The following MTSS1 variants were observed in gnomAD, a reference collection of about 807,000 sequenced individuals.
The protein encoded by MTSS1 is protein MTSS 1.
A neutral mutation model predicts 79.0 loss-of-function variants in MTSS1; 18 were observed. The ratio of observed to expected loss-of-function variants is 0.23; its 90% CI spans 0.16 to 0.34. The LOEUF (loss-of-function observed/expected upper bound fraction) is 0.34, where lower values mean the gene tolerates loss of function less well. Among genes scored for constraint, MTSS1 ranks in the 10% least tolerant of loss-of-function variants. MTSS1 has a pLI of 1.00. For synonymous variants in MTSS1, 341 were observed against 368.6 expected, an observed-to-expected ratio of 0.93 and a Z score of 0.86; for missense variants, 815 against 986.2, an observed-to-expected ratio of 0.83 and a Z score of 2.33.
intron 3 of MTSS1, among the ~76,000 whole-genome samples, chr8:124,610,012 CG>C (rs1835519205): frequency 6.6e-6 from 1 of 152,088 alleles, no homozygotes; most frequent in Non-Finnish European, 1.5e-5. Flanking sequence ...CTGTGAGCTC[CG>C]GGAGGCCTGC....
chr8:124,681,789 T>G (rs1313762738), intron 3 of MTSS1, among the ~76,000 whole-genome samples: 2 of 152,102 alleles, frequency 1.3e-5, no homozygotes, highest in Admixed American at 1.3e-4. Context: ...AAAAATGCCG[T>G]CTCAACAAAA....
At position 124,600,160 on chromosome 8, in the gene MTSS1, G is replaced by A. The variant is rs554728861; in HGVS notation, c.209-8925C>T. On this transcript the variant is annotated intron_variant, in intron 3 of 13. Transcript: ENST00000518547. ...ATTTCCATGTCGGGCTTCTTGTGAA[G>A]CAATCTGAATATCCTAGATTTTTAC... 5.3e-5 allele frequency among the ~76,000 whole-genome samples: 8 copies of A among 151,918 alleles called. No individual in the cohort carries two copies. The South Asian group carries it at 1.5e-3, about 28-fold the overall frequency.
chr8:124,711,493 A>G (rs73345875), intron 1 of MTSS1, among the ~76,000 whole-genome samples: 3,312 of 152,282 alleles, frequency 0.022, 127 homozygotes, highest in African/African-American at 0.074. Flanking sequence ...CCACATGAAC[A>G]GAGCCAGCCT....
intron 9 of MTSS1, chr8:124,564,712 C>CACACACACACACACACACACAT (rs1231353129): frequency 6.6e-5 from 10 of 152,220 alleles, no homozygotes; most frequent in Non-Finnish European, 1.3e-4. Context: ...CACACACACA[C>CACACACACACACACACACACAT]ACACACAGTC....
chr8:124,586,893 A>T (rs568898558), intron 5 of MTSS1, among the ~76,000 whole-genome samples: 1 of 152,182 alleles, frequency 6.6e-6, no homozygotes, highest in African/African-American at 2.4e-5. Context: ...CAAGAAAATC[A>T]AGGAACCTGT....
chr8:124,552,660 C>A lies in MTSS1; in HGVS notation c.*332G>T. 3.7e-6 allele frequency: 1 copy of A among 266,792 alleles called. No homozygotes were observed. Among genetic ancestry groups the A allele is most frequent in the Non-Finnish European group, 7.1e-6 (1 of 141,126 alleles). 16.5% of individuals were successfully genotyped at this position (266,792 alleles called of 1,614,324 possible). A position where few individuals can be genotyped will look rare whatever the true frequency, so the allele number is the denominator to read the frequency against. ...TCTAAAATTAACTACTTCGTGGTTCCCCTGCCCCAACCCCCTTTATGCATT... is the reference window on the plus strand; with the variant it reads ...TCTAAAATTAACTACTTCGTGGTTCACCTGCCCCAACCCCCTTTATGCATT... On this transcript the variant is annotated 3_prime_UTR_variant, in exon 14 of 14. Transcript: ENST00000518547.
intron 6 of MTSS1, among the ~76,000 whole-genome samples, chr8:124,583,240 T>C (rs1431156832): frequency 1.3e-5 from 2 of 152,180 alleles, no homozygotes; most frequent in African/African-American, 2.4e-5. Context: ...GTCAGGCCAA[T>C]GTGCCCTAAG....
chr8:124,654,898 C>T (rs1563940238), intron 3 of MTSS1, among the ~76,000 whole-genome samples: 1 of 152,194 alleles, frequency 6.6e-6, no homozygotes, highest in African/African-American at 2.4e-5. Context: ...TTGCCCAAGG[C>T]CACAAAGTTA....
intron 3 of MTSS1, among the ~76,000 whole-genome samples, chr8:124,600,769 C>A (rs1363310796): frequency 6.6e-6 from 1 of 152,236 alleles, no homozygotes; most frequent in Non-Finnish European, 1.5e-5. Flanking sequence ...CAAAGGGCAG[C>A]TTTCAAGAAA....
intron 3 of MTSS1, among the ~76,000 whole-genome samples, chr8:124,642,289 A>G (rs1007229792): frequency 6.6e-6 from 1 of 152,154 alleles, no homozygotes; most frequent in Non-Finnish European, 1.5e-5. Flanking sequence ...CTCACTGTAA[A>G]TTTTCTGTTT....
chr8:124,709,489 G>A (rs918964872), intron 1 of MTSS1, among the ~76,000 whole-genome samples: 18 of 152,150 alleles, frequency 1.2e-4, no homozygotes, highest in Non-Finnish European at 2.2e-4. Flanking sequence ...GCCACGCCCC[G>A]GCTTCTGCCA....
intron 3 of MTSS1, among the ~76,000 whole-genome samples, chr8:124,676,936 T>C (rs1222656655): frequency 1.3e-5 from 2 of 152,178 alleles, no homozygotes; most frequent in African/African-American, 2.4e-5. Context: ...GTATACATAA[T>C]AAAGTCAGTC....
intron 11 of MTSS1, among the ~76,000 whole-genome samples, chr8:124,557,163 G>A (rs1399016300): frequency 1.3e-5 from 2 of 152,186 alleles, no homozygotes; most frequent in Non-Finnish European, 2.9e-5. Flanking sequence ...ACTAAAGTCT[G>A]CGTGTACTGT....
At position 124,553,323 on chromosome 8, in the gene MTSS1, T is replaced by C. The variant is rs562988130; in HGVS notation, c.1937A>G (p.Glu646Gly). ...GPEERGEHSP[E>G]SPSVGEGPQG... The stretch of plus-strand genomic sequence containing the variant: ...GGGGCCCTCACCCACAGATGGCGAC[T>C]CAGGGCTGTGCTCCCCCCGCTCTTC... Residue 646 changes from glutamate to glycine, a missense_variant, in exon 14 of 14, where the codon GAG becomes GGG. By Grantham distance (98) the Glu-to-Gly change is moderately conservative. This residue lies in a region of MTSS1 where 590 missense variants were observed against 620.8 expected (regional missense o/e 0.95). Transcript: ENST00000518547. This position sits in a 1 kb window ranked among gnomAD's most constrained non-coding sequence, Gnocchi z 6.0. The C allele has an allele frequency of 8.7e-6, 14 of 1,613,904 alleles. No individual in the cohort carries two copies. Among genetic ancestry groups the C allele is most frequent in the Middle Eastern group, 3.3e-4 (2 of 6,084 alleles).
intron 3 of MTSS1, chr8:124,698,158 T>C (rs543716548): frequency 6.6e-6 from 1 of 152,060 alleles, no homozygotes; most frequent in Admixed American, 6.6e-5. Context: ...ATAAAAGGAG[T>C]TTGTTCAATG....
chr8:124,668,788 C>A (rs1223039327), intron 3 of MTSS1, among the ~76,000 whole-genome samples: 1 of 152,172 alleles, frequency 6.6e-6, no homozygotes, highest in Admixed American at 6.5e-5. Flanking sequence ...GATCTCACCC[C>A]AAACAAGCTT....
Position 124,715,090 on chromosome 8 carries a change from G to A in MTSS1, c.73-10899C>T, listed in dbSNP as rs187228654. Among the ~76,000 whole-genome samples the A allele has an allele frequency of 5.0e-4, 76 of 152,264 alleles. 1 individual carries two copies. In the East Asian group the frequency reaches 0.01, roughly 20 times the overall value. ...TTAGACCTTCTAAGCGTGACTTCAC[G>A]TTGGTCCATTTACACTCACCCATTT... On this transcript the variant is annotated intron_variant, in intron 1 of 13. Transcript: ENST00000518547.
intron 6 of MTSS1, 172 bp from the exon 7 acceptor site, chr8:124,568,708 C>T (rs1463952773): frequency 1.2e-5 from 17 of 1,476,902 alleles, no homozygotes; most frequent in Non-Finnish European, 1.5e-5. Flanking sequence ...TAGGACCAGC[C>T]ATTTCCAATT....
chr8:124,577,462 C>G (rs1162497812), intron 6 of MTSS1: 2 of 457,272 alleles, frequency 4.4e-6, no homozygotes, highest in Admixed American at 4.7e-5. Flanking sequence ...GATGGCCAGG[C>G]TGGTCTCAGA....
Sources: gnomAD v4.1 joint callset for allele counts (sites outside exome capture counted in the v4.1 genomes callset) on GRCh38, gnomAD v4.1.1 for gene constraint, gnomAD v4.1.1 regional missense constraint, Gnocchi (gnomAD v3.1) non-coding constraint, MANE v1.5 for transcripts, NCBI Gene and HGNC (gene_info 2026-07-23, HGNC 2026-07-21) for gene names.